The following MMUT variants were observed in gnomAD, a reference collection of about 807,000 sequenced individuals.
MMUT encodes the protein methylmalonyl-CoA mutase.
In MMUT, 79 loss-of-function variants were observed where a neutral mutation model predicts 79.9. The observed-to-expected ratio is 0.99, with a 90% CI of 0.82 to 1.19. MMUT has a LOEUF of 1.19. Ranked by LOEUF, MMUT falls within the 50% of genes most tolerant of loss-of-function variation. The probability of loss-of-function intolerance (pLI) is 0.00; values close to 1 mark genes in which losing one functional copy is unlikely to be tolerated. For synonymous variants in MMUT, 273 were observed against 295.7 expected, an observed-to-expected ratio of 0.92 and a Z score of 0.79; for missense variants, 860 against 917.2, an observed-to-expected ratio of 0.94 and a Z score of 0.81.
chr6:49,442,139 T>C (rs558062321), intron 9 of MMUT, among the ~76,000 whole-genome samples, 168 bp from the exon 10 acceptor site: 1 of 152,270 alleles, frequency 6.6e-6, no homozygotes, highest in East Asian at 1.9e-4. Flanking sequence ...CTGAAATTAC[T>C]TAAGAAAAAT....
In MMUT at chr6:49,435,611, C is replaced by A. The variant is rs370718165; in HGVS notation, c.1969G>T (p.Val657Leu). 3 of 1,613,636 alleles carry A rather than the reference C, an allele frequency of 1.9e-6. No individual in the cohort carries two copies. The African/African-American group carries it at 4.0e-5, about 22-fold the overall frequency. Reference sequence around the variant, plus strand: ...TCCGCATCCACAGCCTGCTGGGCCACTTCACGAGGAGTCTAAACAGTCAGA... The same window carrying A: ...TCCGCATCCACAGCCTGCTGGGCCAATTCACGAGGAGTCTAAACAGTCAGA... ...IGPLFQTPRE[V>L]AQQAVDADVH... The change falls in exon 12 of 13, where the codon GTG (valine) becomes TTG (leucine). Residue 657 changes from valine (V) to leucine (L), a missense_variant. Transcript: ENST00000274813.
chr6:49,442,337 C>T lies in MMUT; in HGVS notation c.1677-366G>A, dbSNP rs112647125. On this transcript the variant is annotated intron_variant, in intron 9 of 12. Transcript: ENST00000274813. ...TTTTGATAAGAAGTAAATCTTTTAG[C>T]ATATTCCATCCATTTGTTCACTAAC... Among the ~76,000 whole-genome samples the T allele has an allele frequency of 5.8e-3, 879 of 152,160 alleles. 5 individuals carry two copies. Among genetic ancestry groups the T allele is most frequent in the African/African-American group, 0.019 (785 of 41,542 alleles).
chr6:49,434,288 C>T (rs1767066738), intron 12 of MMUT, among the ~76,000 whole-genome samples: 1 of 152,112 alleles, frequency 6.6e-6, no homozygotes, highest in African/African-American at 2.4e-5. Context: ...TTGATTATAT[C>T]ACATTAAATA....
intron 8 of MMUT, among the ~76,000 whole-genome samples, chr6:49,445,330 C>T (rs1581825453): frequency 1.3e-5 from 2 of 152,028 alleles, no homozygotes; most frequent in African/African-American, 4.8e-5. Context: ...CTCTGCTCTG[C>T]CAATAATTTG....
chr6:49,451,430 A>C, intron 6 of MMUT, 36 bp downstream of exon 6: 1 of 1,607,908 alleles, frequency 6.2e-7, no homozygotes, highest in Non-Finnish European at 8.5e-7. Context: ...AAATCTGTAA[A>C]TTCTGAAAAC....
Position 49,456,086 on chromosome 6 carries a change from G to A in MMUT, c.905C>T (p.Ala302Val). 1 of 1,612,864 alleles carries A rather than the reference G, an allele frequency of 6.2e-7. No homozygotes were observed. ...CTAGGTTTAATTTACTCACCTTGGTGCAAATTCATCAATTGTCAGGCCAGC... is the reference window on the plus strand; with the variant it reads ...CTAGGTTTAATTTACTCACCTTGGTACAAATTCATCAATTGTCAGGCCAGC... ...LQAGLTIDEF[A>V]PRLSFFWGIG... The change falls in exon 4 of 13, where the codon GCA becomes GTA. Residue 302 changes from alanine to valine, a missense_variant. Ala to Val is a moderately conservative substitution (Grantham distance 64). Transcript: ENST00000274813.
At chr6:49,436,466 A>G (rs1767131527) in intron 11 of MMUT, among the ~76,000 whole-genome samples, 1 of 151,926 alleles carries the variant, frequency 6.6e-6, no homozygotes, top group Non-Finnish European at 1.5e-5. Flanking sequence ...TTGGCCAGGT[A>G]TGGTGGCACG....
intron 11 of MMUT, among the ~76,000 whole-genome samples, chr6:49,438,327 T>C (rs1352092042): frequency 1.3e-5 from 2 of 152,118 alleles, no homozygotes; most frequent in African/African-American, 2.4e-5. Context: ...AACATATTAG[T>C]AGAGAGTTAA....
chr6:49,439,807 ATGCAAC>A (rs1211342569), intron 11 of MMUT, among the ~76,000 whole-genome samples: 1 of 152,228 alleles, frequency 6.6e-6, no homozygotes, highest in African/African-American at 2.4e-5. Flanking sequence ...ATCCTCTGGC[ATGCAAC>A]TGTCTCACCA....
chr6:49,458,242 AGTT>A (rs1378809804), intron 2 of MMUT, among the ~76,000 whole-genome samples, 184 bp from the exon 3 acceptor site: 1 of 152,232 alleles, frequency 6.6e-6, no homozygotes, highest in African/African-American at 2.4e-5. Flanking sequence ...TAAGAGAGTC[AGTT>A]GTTTCCCTTG....
At chr6:49,460,397 C>A (rs1767810049) in intron 1 of MMUT, among the ~76,000 whole-genome samples, 1 of 152,168 alleles carries the variant, frequency 6.6e-6, no homozygotes, top group Admixed American at 6.5e-5. Flanking sequence ...CATCCCAGAA[C>A]CCATAAGGTG....
chr6:49,442,803 C>T lies in MMUT; in HGVS notation c.1677-832G>A, dbSNP rs140025011. Among the ~76,000 whole-genome samples, 680 of 152,114 alleles carry T rather than the reference C, an allele frequency of 4.5e-3. 11 individuals carry two copies. The highest frequency in any genetic ancestry group is 0.016 in the African/African-American group (644 of 41,524). The stretch of plus-strand genomic sequence containing the variant: ...AATAGAAAGAAGGGCATTAGGAACA[C>T]GGCATAGTGAGGAAAGTGGTATAAG... On this transcript the variant is annotated intron_variant, in intron 9 of 12. Coordinates refer to ENST00000274813, the MANE Select transcript of MMUT (RefSeq NM_000255.4).
intron 10 of MMUT, among the ~76,000 whole-genome samples, chr6:49,441,153 C>T (rs978329594): frequency 2.0e-5 from 3 of 152,048 alleles, no homozygotes; most frequent in Non-Finnish European, 4.4e-5. Context: ...AAGCTTGTTA[C>T]AGAGGTTGGA....
chr6:49,444,845 A>G lies in MMUT; in HGVS notation c.1561-91T>C, dbSNP rs541607614. ...TAGACCCTGATGCATAGCATATGGC[A>G]TTTTTTTCCATAATCCTAACTCCAA... On this transcript the variant is annotated intron_variant, in intron 8 of 12. Transcript: ENST00000274813. The G allele has an allele frequency of 3.3e-6, 3 of 899,328 alleles. No individual in the cohort carries two copies. The East Asian group carries it at 7.4e-5, about 22-fold the overall frequency. The allele number at this position is 899,328 out of a possible 1,614,324, so 55.7% of individuals were successfully genotyped here. A position where few individuals can be genotyped will look rare whatever the true frequency, so the allele number is the denominator to read the frequency against.
chr6:49,432,653 C>G (rs1767012546), intron 12 of MMUT, among the ~76,000 whole-genome samples: 1 of 152,132 alleles, frequency 6.6e-6, no homozygotes, highest in Non-Finnish European at 1.5e-5. Flanking sequence ...TCCCAAAGTG[C>G]TGGGATTACA....
rs773671452 is a variant in MMUT, at chr6:49,430,812, G to A, written c.*916C>T. 2 of 152,064 alleles carry A rather than the reference G, an allele frequency of 1.3e-5. No homozygotes were observed. The highest frequency in any genetic ancestry group is 6.6e-5 in the Admixed American group (1 of 15,248). The allele number at this position is 152,064 out of a possible 1,614,324, so 9.4% of individuals were successfully genotyped here. On this transcript the variant is annotated 3_prime_UTR_variant, in exon 13 of 13. Coordinates refer to ENST00000274813, the MANE Select transcript of MMUT (RefSeq NM_000255.4). ...GCAGGATGTGCAGATTTGTTAAACA[G>A]GTAAATGGCAACTTTCCTTCTTTAG...
At chr6:49,445,608 T>C (rs766033673) in intron 8 of MMUT, among the ~76,000 whole-genome samples, 11 of 152,104 alleles carry the variant, frequency 7.2e-5, no homozygotes, top group Non-Finnish European at 1.6e-4. Flanking sequence ...TTTTCTTGTA[T>C]ACTTTAAATC....
In MMUT at chr6:49,459,414, T is replaced by C. The variant is rs372601759; in HGVS notation, c.53A>G (p.Gln18Arg). 12 of 1,613,314 alleles carry C rather than the reference T, an allele frequency of 7.4e-6. No individual in the cohort carries two copies. The highest frequency in any genetic ancestry group is 1.0e-5 in the Non-Finnish European group (12 of 1,179,884). The change falls in exon 2 of 13, where the codon CAG becomes CGG. Residue 18 changes from glutamine (Q) to arginine (R), a missense_variant. Gln to Arg is a conservative substitution (Grantham distance 43). Coordinates refer to ENST00000274813, the MANE Select transcript of MMUT (RefSeq NM_000255.4). ...CCTGGAGCCTGATGATTCTTTTACC[T>C]GCCTCAGGTAATGAGGTGAAAGTAA... ...LFLLSPHYLR[Q>R]VKESSGSRLI...
At chr6:49,449,067 T>G (rs1767485405) in intron 6 of MMUT, 140 bp from the exon 7 acceptor site, 10 of 498,686 alleles carry the variant, frequency 2.0e-5, no homozygotes, top group Non-Finnish European at 3.4e-5. Context: ...AGAACAGAAT[T>G]AAATAAACAT....
Sources: allele counts gnomAD v4.1 joint callset (sites outside exome capture counted in the v4.1 genomes callset), GRCh38; gene constraint gnomAD v4.1.1; transcripts MANE v1.5; gene names NCBI Gene and HGNC (gene_info 2026-07-23, HGNC 2026-07-21).